The following MBNL2 variants were observed in gnomAD, a reference collection of about 807,000 sequenced individuals.
MBNL2 encodes muscleblind like splicing regulator 2.
Under a neutral mutation model 41.9 loss-of-function variants are expected in MBNL2, and 17 were observed. That is an observed-to-expected ratio of 0.41 (90% CI 0.28 to 0.61). The LOEUF (loss-of-function observed/expected upper bound fraction) is 0.61, where lower values mean the gene tolerates loss of function less well. Ranked by LOEUF, MBNL2 falls within the 20% of genes least tolerant of loss-of-function variation. MBNL2 has a pLI of 0.35. For missense variants in MBNL2, 336 were observed against 505.6 expected (o/e 0.66, Z 3.22); for synonymous variants, 195 against 182.9 (o/e 1.07, Z -0.53).
chr13:97,266,236 C>A (rs1281118408), intron 1 of MBNL2, among the ~76,000 whole-genome samples: 1 of 152,058 alleles, frequency 6.6e-6, no homozygotes, highest in African/African-American at 2.4e-5. Flanking sequence ...AGCAAGACTT[C>A]ATCTCACGAA....
At chr13:97,218,508 C>G (rs72637441), upstream of MBNL2, among the ~76,000 whole-genome samples, 4,381 of 147,502 alleles carry the variant, frequency 0.03, 81 homozygotes, top group Non-Finnish European at 0.044. Flanking sequence ...ATTTATCAAA[C>G]TGTACAAGAC....
chr13:97,225,686 G>A (rs2041491327), intron 1 of MBNL2, among the ~76,000 whole-genome samples: 2 of 152,208 alleles, frequency 1.3e-5, no homozygotes, highest in South Asian at 4.1e-4. Flanking sequence ...CAGGTCAAGA[G>A]TCAGGCCAGG....
the MBNL2 span, among the ~76,000 whole-genome samples, chr13:97,175,033 T>C: frequency 6.6e-6 from 1 of 152,062 alleles, no homozygotes; most frequent in African/African-American, 2.4e-5. Context: ...TTTAAGAAAA[T>C]ACCCTGCAGA....
chr13:97,240,647 G>T (rs940800002), intron 1 of MBNL2, among the ~76,000 whole-genome samples: 2 of 152,124 alleles, frequency 1.3e-5, no homozygotes, highest in African/African-American at 4.8e-5. Context: ...ATGCAAGAAG[G>T]CTTTTTATTC....
intron 8 of MBNL2, among the ~76,000 whole-genome samples, chr13:97,370,803 C>T (rs2064298708): frequency 6.6e-6 from 1 of 151,972 alleles, no homozygotes; most frequent in Non-Finnish European, 1.5e-5. Flanking sequence ...AGTCCTTTGT[C>T]TTAGGGAAAC....
chr13:97,191,609 G>C, the MBNL2 span, among the ~76,000 whole-genome samples: 1 of 152,066 alleles, frequency 6.6e-6, no homozygotes, highest in Non-Finnish European at 1.5e-5. Flanking sequence ...TGGAAGTGCA[G>C]GCAAAATGTA....
intron 2 of MBNL2, among the ~76,000 whole-genome samples, chr13:97,308,793 T>C (rs907519802): frequency 1.3e-5 from 2 of 152,206 alleles, no homozygotes; most frequent in Non-Finnish European, 2.9e-5. Flanking sequence ...CTGAGAGGCA[T>C]GCAAGGATGA....
intron 1 of MBNL2, among the ~76,000 whole-genome samples, chr13:97,259,376 A>G (rs2048171040): frequency 6.6e-6 from 1 of 152,060 alleles, no homozygotes. Context: ...AGCATTCCAA[A>G]TCTACCTCCC....
At chr13:97,363,891 A>G (rs1255751907) in intron 7 of MBNL2, among the ~76,000 whole-genome samples, 2 of 152,048 alleles carry the variant, frequency 1.3e-5, no homozygotes, top group Non-Finnish European at 2.9e-5. Flanking sequence ...ACAGCTCCAC[A>G]GAGAGAATAA....
intron 2 of MBNL2, among the ~76,000 whole-genome samples, chr13:97,333,430 A>C (rs2060588073): frequency 6.6e-6 from 1 of 152,190 alleles, no homozygotes. Context: ...CTTTAGCCAT[A>C]AACACTCTTC....
chr13:97,355,357 A>G (rs1157340649), intron 5 of MBNL2, among the ~76,000 whole-genome samples: 2 of 152,144 alleles, frequency 1.3e-5, no homozygotes, highest in Non-Finnish European at 2.9e-5. Context: ...TTATAAAACA[A>G]TAATAAACAT....
chr13:97,375,417 T>C (rs972928135), intron 8 of MBNL2, among the ~76,000 whole-genome samples: 8 of 152,162 alleles, frequency 5.3e-5, no homozygotes, highest in African/African-American at 1.7e-4. Context: ...CGCCATGGCA[T>C]GGCCTCATCC....
intron 7 of MBNL2, among the ~76,000 whole-genome samples, chr13:97,363,965 G>GCACT (rs1407515499): frequency 6.6e-6 from 1 of 151,998 alleles, no homozygotes; most frequent in Non-Finnish European, 1.5e-5. Context: ...CTCTAAGAGG[G>GCACT]CACTCCTACA....
At chr13:97,290,539 G>T (rs972759374) in intron 2 of MBNL2, among the ~76,000 whole-genome samples, 2 of 152,074 alleles carry the variant, frequency 1.3e-5, no homozygotes, top group Non-Finnish European at 2.9e-5. Context: ...AGCCGGGCGC[G>T]GTGGCGGGCG....
At chr13:97,142,310 T>A in the MBNL2 span, among the ~76,000 whole-genome samples, 1 of 152,214 alleles carries the variant, frequency 6.6e-6, no homozygotes, top group South Asian at 2.1e-4. Flanking sequence ...CTTGATTTCC[T>A]AGAAAGAATG....
At chr13:97,283,122 C>T (rs997940237) in intron 2 of MBNL2, among the ~76,000 whole-genome samples, 8 of 152,146 alleles carry the variant, frequency 5.3e-5, no homozygotes, top group South Asian at 4.1e-4. Flanking sequence ...GTTCTTTCAC[C>T]ACGCTCACCG....
At chr13:97,371,609 G>A (rs1429107314) in intron 8 of MBNL2, among the ~76,000 whole-genome samples, 1 of 151,984 alleles carries the variant, frequency 6.6e-6, no homozygotes, top group Non-Finnish European at 1.5e-5. Context: ...TTTTCAAGCA[G>A]AATAGTGATG....
intron 8 of MBNL2, among the ~76,000 whole-genome samples, chr13:97,388,027 C>T (rs2066070760): frequency 6.6e-6 from 1 of 152,072 alleles, no homozygotes; most frequent in Non-Finnish European, 1.5e-5. Flanking sequence ...TGGGCACCAG[C>T]TTTGACCAAA....
intron 2 of MBNL2, among the ~76,000 whole-genome samples, chr13:97,325,735 TAAAAATA>T (rs1030810576): frequency 6.6e-6 from 1 of 152,178 alleles, no homozygotes; most frequent in African/African-American, 2.4e-5. Context: ...GTTTCAAAAA[TAAAAATA>T]AAAAATTTTT....
Sources: gnomAD v4.1 joint callset for allele counts (sites outside exome capture counted in the v4.1 genomes callset) on GRCh38, gnomAD v4.1.1 for gene constraint, MANE v1.5 for transcripts, NCBI Gene and HGNC (gene_info 2026-07-23, HGNC 2026-07-21) for gene names.